Variants in NSD3 observed in about 807,000 individuals in gnomAD.
NSD3 encodes histone-lysine N-methyltransferase NSD3.
In NSD3, 24 loss-of-function variants were observed where a neutral mutation model predicts 160.8. The observed-to-expected ratio is 0.15, with a 90% CI of 0.11 to 0.21. NSD3 has a LOEUF of 0.21. NSD3 is among the 10% of genes least tolerant of loss of function. The pLI, the probability that NSD3 is intolerant of heterozygous loss-of-function variation, is 1.00. For synonymous variants in NSD3, 520 were observed against 600.0 expected (o/e 0.87, Z 1.95); for missense variants, 1,157 against 1,735.9 (o/e 0.67, Z 5.93).
rs770467211 is a variant in NSD3, at chr8:38,321,041, T to C, written c.1809+31A>G. The C allele has an allele frequency of 2.5e-6, 4 of 1,576,166 alleles. No individual in the cohort carries two copies. The highest frequency in any genetic ancestry group is 1.7e-5 in the Admixed American group (1 of 59,464). ...TAAGCCACAACATTTACAAATACAA[T>C]GTTTTAACTCTCTACATGTAGGAAG... On this transcript the variant is annotated intron_variant, in intron 8 of 23. Coordinates refer to ENST00000317025, the MANE Select transcript of NSD3 (RefSeq NM_023034.2). The surrounding 1 kb of genome is among the most constrained non-coding windows in gnomAD (Gnocchi z 4.7).
intron 16 of NSD3, among the ~76,000 whole-genome samples, chr8:38,292,080 TA>T (rs1411258309): frequency 6.6e-6 from 1 of 152,224 alleles, no homozygotes; most frequent in African/African-American, 2.4e-5. Context: ...TCCATAACTT[TA>T]AAAAAATTGA....
intron 23 of NSD3, 135 bp from the exon 24 acceptor site, chr8:38,276,017 C>A: frequency 1.1e-6 from 1 of 881,314 alleles, no homozygotes; most frequent in Non-Finnish European, 1.7e-6. Flanking sequence ...AAATTTCAAC[C>A]AAACATAGAT....
chr8:38,304,542 G>A (rs766706888), intron 14 of NSD3, 45 bp downstream of exon 14: 2 of 1,571,672 alleles, frequency 1.3e-6, no homozygotes, highest in South Asian at 2.4e-5. Flanking sequence ...GGAGAAATAT[G>A]CCAATGACCT....
intron 1 of NSD3, among the ~76,000 whole-genome samples, chr8:38,372,957 G>C (rs1201678745): frequency 6.6e-6 from 1 of 150,564 alleles, no homozygotes; most frequent in Non-Finnish European, 1.5e-5. Flanking sequence ...GGCTGACGCA[G>C]GCGAATCGCT....
intron 1 of NSD3, among the ~76,000 whole-genome samples, chr8:38,350,558 C>CT (rs1327064572): frequency 6.6e-6 from 1 of 151,962 alleles, no homozygotes; most frequent in Non-Finnish European, 1.5e-5. Flanking sequence ...ATATGTTTGA[C>CT]TTTTTTGCCA....
At chr8:38,322,262 G>A (rs900652921) in intron 7 of NSD3, among the ~76,000 whole-genome samples, 3 of 152,136 alleles carry the variant, frequency 2.0e-5, no homozygotes, top group Non-Finnish European at 4.4e-5. Context: ...TTTTGGGAAG[G>A]AGCGGGTAGT....
chr8:38,314,526 G>C (rs1163064954), intron 12 of NSD3, 121 bp downstream of exon 12: 4 of 1,403,466 alleles, frequency 2.9e-6, no homozygotes, highest in Non-Finnish European at 3.8e-6. Flanking sequence ...ATACCTTTGG[G>C]AAGAGAGGAG....
In NSD3 at chr8:38,278,378, A is replaced by G. The variant is rs1808662067; in HGVS notation, c.3795T>C (p.Cys1265=). The G allele has an allele frequency of 2.5e-6, 4 of 1,613,886 alleles. No homozygotes were observed. The South Asian group carries it at 3.3e-5, about 13-fold the overall frequency. ...MELTFNYNLD[C]LGNGRTECHC... ...GGCACTCCGTTCTGCCGTTGCCCAG[A>G]CAATCTAGGTTATAATTAAATGTTA... Residue 1265 remains cysteine (C), a synonymous_variant, in exon 22 of 24, where the codon TGT becomes TGC. Coordinates refer to ENST00000317025, the MANE Select transcript of NSD3 (RefSeq NM_023034.2).
At chr8:38,362,549 A>T (rs1261259969) in intron 1 of NSD3, among the ~76,000 whole-genome samples, 2 of 152,178 alleles carry the variant, frequency 1.3e-5, no homozygotes, top group Non-Finnish European at 2.9e-5. Flanking sequence ...TTAAAATTAG[A>T]TATTTTATTA....
At position 38,318,760 on chromosome 8, in the gene NSD3, TG is replaced by T; in HGVS notation, c.1855+134del. Reference sequence around the variant, plus strand: ...AAAAGTCACACACACACACGAACACTGGGGAATACTGCAATTTCACACTGAA... The same window carrying T: ...AAAAGTCACACACACACACGAACACTGGGAATACTGCAATTTCACACTGAA... On this transcript the variant is annotated intron_variant, in intron 9 of 23. Transcript: ENST00000317025. This position sits in a 1 kb window ranked among gnomAD's most constrained non-coding sequence, Gnocchi z 5.3. The T allele has an allele frequency of 1.3e-6, 1 of 777,980 alleles. No individual in the cohort carries two copies. Among genetic ancestry groups the T allele is most frequent in the Non-Finnish European group, 2.2e-6 (1 of 456,186 alleles). 48.2% of individuals were successfully genotyped at this position (777,980 alleles called of 1,614,324 possible).
At chr8:38,284,695 ATTT>A (rs2130987977) in intron 19 of NSD3, among the ~76,000 whole-genome samples, 1 of 152,254 alleles carries the variant, frequency 6.6e-6, no homozygotes, top group Admixed American at 6.5e-5. Context: ...CCTAGGGCAA[ATTT>A]TCTTTAGTGG....
At chr8:38,375,588 A>T (rs556554163) in intron 1 of NSD3, among the ~76,000 whole-genome samples, 103 of 152,176 alleles carry the variant, frequency 6.8e-4, no homozygotes, top group African/African-American at 2.2e-3. Flanking sequence ...TAAGCTTTTT[A>T]AAAAAAGGTT....
In NSD3 at chr8:38,367,281, G is replaced by C. The variant is rs542400038; in HGVS notation, c.-45+14518C>G. ...GTTTTCATTTAACATCATAAGAAAG[G>C]TTGGATCAGGTGATCCACATATATA... On this transcript the variant is annotated intron_variant, in intron 1 of 23. Transcript: ENST00000317025. Among the ~76,000 whole-genome samples the C allele has an allele frequency of 3.9e-5, 6 of 152,250 alleles. No homozygotes were observed. The South Asian group carries it at 1.2e-3, about 32-fold the overall frequency.
chr8:38,379,535 C>A (rs1281864969), intron 1 of NSD3, among the ~76,000 whole-genome samples: 1 of 151,930 alleles, frequency 6.6e-6, no homozygotes, highest in Non-Finnish European at 1.5e-5. Context: ...CAAACAAATT[C>A]AGGCTGAATA....
intron 1 of NSD3, among the ~76,000 whole-genome samples, chr8:38,379,066 G>C (rs1335207434): frequency 6.6e-6 from 1 of 151,736 alleles, no homozygotes; most frequent in East Asian, 1.9e-4. Context: ...AATCTGATCA[G>C]TGTAAGAGAC....
intron 1 of NSD3, among the ~76,000 whole-genome samples, chr8:38,363,045 T>C (rs570797788): frequency 2.1e-4 from 32 of 152,372 alleles, no homozygotes; most frequent in Non-Finnish European, 3.5e-4. Context: ...GATTTATCTT[T>C]AGTTTCCAAA....
At chr8:38,338,747 A>T in intron 2 of NSD3, 140 bp from the exon 3 acceptor site, 1 of 677,680 alleles carries the variant, frequency 1.5e-6, no homozygotes, top group African/African-American at 1.8e-5. Context: ...CAATGTAAGG[A>T]GTAAGAATAC....
intron 12 of NSD3, among the ~76,000 whole-genome samples, chr8:38,314,176 T>G (rs907559835): frequency 1.1e-4 from 17 of 152,166 alleles, no homozygotes; most frequent in African/African-American, 3.6e-4. Flanking sequence ...TACAAATTAT[T>G]TTAGTAGGTG....
intron 1 of NSD3, among the ~76,000 whole-genome samples, chr8:38,373,512 G>GT (rs1224507346): frequency 1.3e-5 from 2 of 151,926 alleles, no homozygotes; most frequent in Admixed American, 6.6e-5. Flanking sequence ...GTTTTTGTTT[G>GT]TTTTTTACAT....
Sources: allele counts gnomAD v4.1 joint callset (sites outside exome capture counted in the v4.1 genomes callset), GRCh38; gene constraint gnomAD v4.1.1; non-coding constraint Gnocchi (gnomAD v3.1); transcripts MANE v1.5; gene names NCBI Gene and HGNC (gene_info 2026-07-23, HGNC 2026-07-21).